ARHGAP42: variants seen among roughly 807,000 people sequenced by gnomAD.
ARHGAP42 encodes the protein Rho GTPase activating protein 42, also known as rho GTPase-activating protein 42.
In ARHGAP42, 63 loss-of-function variants were observed where a neutral mutation model predicts 125.0. The ratio of observed to expected loss-of-function variants is 0.50; its 90% CI spans 0.41 to 0.62. The LOEUF is 0.62. Among genes scored for constraint, ARHGAP42 ranks in the 20% least tolerant of loss-of-function variants. The pLI is 0.00. For synonymous variants in ARHGAP42, 339 were observed against 351.0 expected (o/e 0.97, Z 0.38); for missense variants, 766 against 1,024.2 (o/e 0.75, Z 3.44).
intron 17 of ARHGAP42, among the ~76,000 whole-genome samples, chr11:100,966,656 A>G (rs1346921866): frequency 1.3e-5 from 2 of 152,318 alleles, no homozygotes; most frequent in East Asian, 1.9e-4. Flanking sequence ...ATAATCTTCA[A>G]CCAAATATCT....
intron 1 of ARHGAP42, among the ~76,000 whole-genome samples, chr11:100,755,161 G>T (rs187212063): frequency 6.6e-6 from 1 of 152,356 alleles, no homozygotes; most frequent in Non-Finnish European, 1.5e-5. Flanking sequence ...AAATGCTAGG[G>T]TGTAAGAGTG....
At chr11:100,758,992 T>G (rs1862639002) in intron 1 of ARHGAP42, among the ~76,000 whole-genome samples, 1 of 152,142 alleles carries the variant, frequency 6.6e-6, no homozygotes, top group Non-Finnish European at 1.5e-5. Context: ...GTGAAAAATT[T>G]TAGTGTTTTT....
At chr11:100,689,133 G>A (rs1861142752) in intron 1 of ARHGAP42, among the ~76,000 whole-genome samples, 1 of 152,094 alleles carries the variant, frequency 6.6e-6, no homozygotes, top group South Asian at 2.1e-4. Context: ...ACTTAACCAA[G>A]GTAAAGATAA....
chr11:100,835,837 T>A lies in ARHGAP42; in HGVS notation c.313-23717T>A, dbSNP rs1330456788. Among the ~76,000 whole-genome samples, 4 of 152,122 alleles carry A rather than the reference T, an allele frequency of 2.6e-5. No individual in the cohort carries two copies. The East Asian group carries it at 7.7e-4, about 29-fold the overall frequency. On this transcript the variant is annotated intron_variant, in intron 3 of 23. Coordinates refer to ENST00000298815, the MANE Select transcript of ARHGAP42 (RefSeq NM_152432.4). The stretch of plus-strand genomic sequence containing the variant: ...TTCCAGAAATTATCTTCTTCCCTGG[T>A]TTAAGCCAGTATTTGCCAGGAATAA...
chr11:100,868,836 T>A (rs1865635765), intron 4 of ARHGAP42, among the ~76,000 whole-genome samples: 1 of 152,164 alleles, frequency 6.6e-6, no homozygotes, highest in Non-Finnish European at 1.5e-5. Context: ...ATAATAAAAC[T>A]ACCTTCATAG....
chr11:100,924,808 A>G (rs1867375848), intron 6 of ARHGAP42, among the ~76,000 whole-genome samples: 1 of 151,962 alleles, frequency 6.6e-6, no homozygotes, highest in Non-Finnish European at 1.5e-5. Flanking sequence ...TTAAAAGCAT[A>G]CCTGAAATCA....
At chr11:100,798,541 T>C (rs540961834) in intron 3 of ARHGAP42, among the ~76,000 whole-genome samples, 178 of 152,336 alleles carry the variant, frequency 1.2e-3, no homozygotes, top group African/African-American at 3.9e-3. Context: ...AATTAAGGTA[T>C]GTACACCATT....
intron 3 of ARHGAP42, among the ~76,000 whole-genome samples, chr11:100,858,211 C>T (rs1345719527): frequency 6.6e-6 from 1 of 151,880 alleles, no homozygotes; most frequent in Non-Finnish European, 1.5e-5. Flanking sequence ...CCAATAATCT[C>T]TGCGCAGTAG....
At chr11:100,927,214 A>G (rs552269626) in intron 6 of ARHGAP42, among the ~76,000 whole-genome samples, 3 of 152,172 alleles carry the variant, frequency 2.0e-5, no homozygotes, top group Non-Finnish European at 4.4e-5. Context: ...CTACTGGCTA[A>G]GTCTTTTTTA....
intron 4 of ARHGAP42, among the ~76,000 whole-genome samples, chr11:100,889,895 A>G (rs773373567): frequency 6.6e-6 from 1 of 152,080 alleles, no homozygotes; most frequent in Non-Finnish European, 1.5e-5. Flanking sequence ...AAGCTGGACC[A>G]TTCTTTAGAG....
intron 12 of ARHGAP42, among the ~76,000 whole-genome samples, chr11:100,959,038 A>T (rs1191209440): frequency 1.3e-5 from 2 of 151,404 alleles, no homozygotes; most frequent in Non-Finnish European, 2.9e-5. Context: ...ATTGGTTTGA[A>T]TTCTCCTCAT....
intron 4 of ARHGAP42, among the ~76,000 whole-genome samples, chr11:100,860,361 G>A (rs1865417101): frequency 6.6e-6 from 1 of 151,942 alleles, no homozygotes; most frequent in African/African-American, 2.4e-5. Context: ...ATTTGAAATA[G>A]CCTACTAATT....
At chr11:100,703,509 A>T (rs1861431106) in intron 1 of ARHGAP42, among the ~76,000 whole-genome samples, 1 of 152,234 alleles carries the variant, frequency 6.6e-6, no homozygotes, top group African/African-American at 2.4e-5. Flanking sequence ...AAAATGAGAA[A>T]TTATTGAAAT....
At chr11:100,705,678 G>A (rs10431108) in intron 1 of ARHGAP42, among the ~76,000 whole-genome samples, 79,268 of 151,998 alleles carry the variant, frequency 0.52, 21,541 homozygotes, top group African/African-American at 0.69. Flanking sequence ...ATGTGAGATG[G>A]TTTTTCTAAG....
At chr11:100,954,293 C>G (rs1857744441) in intron 12 of ARHGAP42, among the ~76,000 whole-genome samples, 1 of 152,182 alleles carries the variant, frequency 6.6e-6, no homozygotes, top group Non-Finnish European at 1.5e-5. Flanking sequence ...TGCACCTACT[C>G]TACTCCAGGT....
At chr11:100,780,174 T>C (rs890951978) in intron 2 of ARHGAP42, among the ~76,000 whole-genome samples, 1 of 152,130 alleles carries the variant, frequency 6.6e-6, no homozygotes, top group African/African-American at 2.4e-5. Context: ...GTGAAAAAGG[T>C]GGTCCAAATT....
At chr11:100,806,795 T>C (rs1864000900) in intron 3 of ARHGAP42, among the ~76,000 whole-genome samples, 3 of 151,938 alleles carry the variant, frequency 2.0e-5, no homozygotes, top group Admixed American at 2.0e-4. Context: ...GTGCTAATAA[T>C]CATAAAATTC....
At chr11:100,691,446 T>G (rs979158922) in intron 1 of ARHGAP42, among the ~76,000 whole-genome samples, 11 of 152,140 alleles carry the variant, frequency 7.2e-5, no homozygotes, top group African/African-American at 2.7e-4. Flanking sequence ...CTTGTAATAA[T>G]ACACAGACCC....
At chr11:100,806,636 A>C (rs1326546848) in intron 3 of ARHGAP42, among the ~76,000 whole-genome samples, 1 of 152,108 alleles carries the variant, frequency 6.6e-6, no homozygotes, top group African/African-American at 2.4e-5. Context: ...TCCTACATGC[A>C]TAAAGTTCTG....
Sources: allele counts gnomAD v4.1 joint callset (sites outside exome capture counted in the v4.1 genomes callset), GRCh38; gene constraint gnomAD v4.1.1; transcripts MANE v1.5; gene names NCBI Gene and HGNC (gene_info 2026-07-23, HGNC 2026-07-21).